Variants in JARID2 observed in about 807,000 individuals in gnomAD.
JARID2 encodes the protein jumonji and AT-rich interaction domain containing 2.
Under a neutral mutation model 125.6 loss-of-function variants are expected in JARID2, and 21 were observed. That is an observed-to-expected ratio of 0.17 (90% CI 0.12 to 0.24). The LOEUF is 0.24. Ranked by LOEUF, JARID2 falls within the 10% of genes least tolerant of loss-of-function variation. The pLI is 1.00. For synonymous variants in JARID2, 736 were observed against 661.6 expected, an observed-to-expected ratio of 1.11 and a Z score of -1.73; for missense variants, 1,303 against 1,639.6, an observed-to-expected ratio of 0.79 and a Z score of 3.55.
chr6:15,390,419 A>G (rs1473786697), intron 2 of JARID2, among the ~76,000 whole-genome samples: 1 of 152,074 alleles, frequency 6.6e-6, no homozygotes, highest in Non-Finnish European at 1.5e-5. Flanking sequence ...AGCTCTGTCC[A>G]CGTTGTGCAG....
Position 15,496,808 on chromosome 6 carries a change from C to G in JARID2, c.1583C>G (p.Ser528Trp). Residue 528 changes from serine (S) to tryptophan (W), a missense_variant, in exon 7 of 18, where the codon TCG becomes TGG. By Grantham distance (177) the Ser-to-Trp change is radical (BLOSUM62 -3). Around this residue, in one of 11 missense-constraint regions of JARID2, gnomAD observed 651 missense variants for 581.6 expected, o/e 1.12. Transcript: ENST00000341776. ...DSASCENRST[S>W]QPESVHKPQD... ...GCCTCCTGTGAAAATCGTTCTACCT[C>G]GCAACCGGAGTCCGTGCACAAGCCG... 1 of 1,606,716 alleles carries G rather than the reference C, an allele frequency of 6.2e-7. No individual in the cohort carries two copies. Among genetic ancestry groups the G allele is most frequent in the Non-Finnish European group, 8.5e-7 (1 of 1,176,010 alleles).
chr6:15,339,486 A>G (rs1762992459), intron 1 of JARID2, among the ~76,000 whole-genome samples: 1 of 152,000 alleles, frequency 6.6e-6, no homozygotes, highest in South Asian at 2.1e-4. Flanking sequence ...TGCACCTCTT[A>G]ACTGCTAAAG....
Position 15,500,891 on chromosome 6 carries a change from C to T in JARID2, c.1946-16C>T. On this transcript the variant is annotated splice_polypyrimidine_tract_variant and intron_variant, in intron 7 of 17. Coordinates refer to ENST00000341776, the MANE Select transcript of JARID2 (RefSeq NM_004973.4). Reference sequence around the variant, plus strand: ...TTTCACTAACTGTCCCGTTTTTTTCCCCTTCGCTGTCCCAGGGGGCTGTGA... The same window carrying T: ...TTTCACTAACTGTCCCGTTTTTTTCTCCTTCGCTGTCCCAGGGGGCTGTGA... 1.3e-6 allele frequency: 2 copies of T among 1,564,994 alleles called. No individual in the cohort carries two copies. Among genetic ancestry groups the T allele is most frequent in the Admixed American group, 1.9e-5 (1 of 52,142 alleles).
intron 3 of JARID2, among the ~76,000 whole-genome samples, chr6:15,442,617 G>A (rs140713155): frequency 2.6e-5 from 4 of 152,350 alleles, no homozygotes; most frequent in East Asian, 3.9e-4. Context: ...GGGTTATGCC[G>A]TGTGGGGATG....
At chr6:15,386,241 C>CCCCTCT (rs1314694986) in intron 2 of JARID2, among the ~76,000 whole-genome samples, 5 of 150,780 alleles carry the variant, frequency 3.3e-5, no homozygotes, top group African/African-American at 1.2e-4. Context: ...CTCTCCCCCA[C>CCCCTCT]CCCTCTCCCT....
intron 3 of JARID2, among the ~76,000 whole-genome samples, chr6:15,439,115 G>C (rs1359597779): frequency 6.6e-6 from 1 of 151,950 alleles, no homozygotes; most frequent in East Asian, 1.9e-4. Context: ...CCCAGCTACA[G>C]TGCCTCTCAT....
chr6:15,479,572 C>A (rs1372903326), intron 5 of JARID2, among the ~76,000 whole-genome samples: 3 of 152,232 alleles, frequency 2.0e-5, no homozygotes, highest in African/African-American at 7.2e-5. Context: ...TTTAAACATT[C>A]TATTTCCAGA....
At chr6:15,383,179 T>C (rs926037060) in intron 2 of JARID2, among the ~76,000 whole-genome samples, 5 of 152,086 alleles carry the variant, frequency 3.3e-5, no homozygotes, top group Admixed American at 1.3e-4. Flanking sequence ...TTTTTTTTTT[T>C]TTCTTTGAAA....
intron 1 of JARID2, among the ~76,000 whole-genome samples, chr6:15,263,074 TTGTGTGTGTGTGTGTGTGTGTG>T (rs561238062): frequency 7.2e-5 from 10 of 139,720 alleles, no homozygotes; most frequent in Non-Finnish European, 1.2e-4. Flanking sequence ...GGGTGTGTGT[TTGTGTGTGTGTGTGTGTGTGTG>T]TGTGTGTGTG....
At chr6:15,511,500 C>G in intron 13 of JARID2, 99 bp downstream of exon 13, 1 of 780,330 alleles carries the variant, frequency 1.3e-6, no homozygotes, top group South Asian at 1.4e-5. Context: ...GCAATGAGGA[C>G]ACAGCAAAAC....
intron 2 of JARID2, among the ~76,000 whole-genome samples, chr6:15,397,008 G>A (rs556713230): frequency 7.9e-5 from 12 of 152,300 alleles, no homozygotes; most frequent in Admixed American, 3.3e-4. Flanking sequence ...GCATTACAAA[G>A]TTCAGCACTG....
chr6:15,259,327 A>G (rs1393832758), intron 1 of JARID2, among the ~76,000 whole-genome samples: 1 of 152,186 alleles, frequency 6.6e-6, no homozygotes, highest in African/African-American at 2.4e-5. Context: ...GCTTGTAATA[A>G]TGTCTTGATG....
rs571833663 is a variant in JARID2, at chr6:15,421,813, C to T, written c.323+11448C>T. ...TTTTCAGGTGTGTGCATCTGGACAG[C>T]AGTTGGCTTGGTGAGCTGTACTGGG... On this transcript the variant is annotated intron_variant, in intron 3 of 17. Transcript: ENST00000341776. Among the ~76,000 whole-genome samples, 6 of 152,254 alleles carry T rather than the reference C, an allele frequency of 3.9e-5. No individual in the cohort carries two copies. The East Asian group carries it at 1.2e-3, about 29-fold the overall frequency.
chr6:15,379,253 C>T (rs1270312627), intron 2 of JARID2, among the ~76,000 whole-genome samples: 1 of 151,860 alleles, frequency 6.6e-6, no homozygotes, highest in Admixed American at 6.5e-5. Context: ...CTGATGCCAT[C>T]GTTACAGCTT....
chr6:15,418,030 G>T (rs912007975), intron 3 of JARID2, among the ~76,000 whole-genome samples: 1 of 152,108 alleles, frequency 6.6e-6, no homozygotes, highest in Non-Finnish European at 1.5e-5. Flanking sequence ...AGGACCCTGT[G>T]GTGTATGTTG....
At chr6:15,412,123 A>G (rs1765904643) in intron 3 of JARID2, among the ~76,000 whole-genome samples, 1 of 152,206 alleles carries the variant, frequency 6.6e-6, no homozygotes, top group Non-Finnish European at 1.5e-5. Flanking sequence ...TAATGTGTCA[A>G]GTATCTTACT....
chr6:15,410,454 A>G, intron 3 of JARID2, 89 bp downstream of exon 3: 2 of 1,293,544 alleles, frequency 1.5e-6, no homozygotes, highest in Non-Finnish European at 2.2e-6. Context: ...ACGTGAGCCC[A>G]TTCACCCAAT....
intron 2 of JARID2, among the ~76,000 whole-genome samples, chr6:15,375,115 C>T (rs1415289313): frequency 6.6e-6 from 1 of 152,152 alleles, no homozygotes; most frequent in African/African-American, 2.4e-5. Context: ...GACAGGTTCA[C>T]CATGGCTTCC....
intron 8 of JARID2, among the ~76,000 whole-genome samples, chr6:15,503,074 G>A (rs527792571): frequency 3.3e-5 from 5 of 152,366 alleles, no homozygotes; most frequent in African/African-American, 9.6e-5. Context: ...AATCCACCCC[G>A]TCAAGGGTAT....
Sources: gnomAD v4.1 joint callset for allele counts (sites outside exome capture counted in the v4.1 genomes callset) on GRCh38, gnomAD v4.1.1 for gene constraint, gnomAD v4.1.1 regional missense constraint, MANE v1.5 for transcripts, NCBI Gene and HGNC (gene_info 2026-07-23, HGNC 2026-07-21) for gene names.